DUSP22: variants seen among roughly 807,000 people sequenced by gnomAD.
DUSP22 encodes the protein dual specificity phosphatase 22, also known as dual specificity protein phosphatase 22.
Under a neutral mutation model 24.5 loss-of-function variants are expected in DUSP22, and 24 were observed. The ratio of observed to expected loss-of-function variants is 0.98; its 90% CI spans 0.71 to 1.38. The LOEUF is 1.38. DUSP22 is among the 40% of genes most tolerant of loss of function. DUSP22 has a pLI of 0.00. For synonymous variants in DUSP22, 160 were observed against 106.4 expected, an observed-to-expected ratio of 1.50 and a Z score of -3.10; for missense variants, 330 against 269.2, an observed-to-expected ratio of 1.23 and a Z score of -1.58.
intron 5 of DUSP22, among the ~76,000 whole-genome samples, chr6:347,253 T>A (rs1759928585): frequency 1.3e-5 from 2 of 152,310 alleles, no homozygotes; most frequent in Non-Finnish European, 2.9e-5. Flanking sequence ...GAAGAGCCAC[T>A]ACTTGAGAGT....
At position 329,524 on chromosome 6, in the gene DUSP22, C is replaced by G. The variant is rs1424726140; in HGVS notation, c.139-5590C>G. On this transcript the variant is annotated intron_variant, in intron 3 of 6. Transcript: ENST00000419235. ...CTGGAGTGCAGTGGTGTGATCTCGG[C>G]TCACTGCAACCTCCACCTCCTGGGT... is the stretch of plus-strand genomic sequence containing the variant. Among the ~76,000 whole-genome samples, 4 of 152,256 alleles carry G rather than the reference C, an allele frequency of 2.6e-5. No individual in the cohort carries two copies. The East Asian group carries it at 7.7e-4, about 29-fold the overall frequency.
chr6:314,219 G>A (rs1758241475), intron 3 of DUSP22, among the ~76,000 whole-genome samples: 1 of 152,302 alleles, frequency 6.6e-6, no homozygotes, highest in Non-Finnish European at 1.5e-5. Context: ...GATAAATGGT[G>A]GGAGAGGAGA....
At chr6:335,808 C>T (rs1759336228) in intron 4 of DUSP22, among the ~76,000 whole-genome samples, 1 of 152,308 alleles carries the variant, frequency 6.6e-6, no homozygotes, top group African/African-American at 2.4e-5. Context: ...TGGCGGCTGC[C>T]TTATGGGGCA....
At chr6:327,301 C>T (rs1037834616) in intron 3 of DUSP22, among the ~76,000 whole-genome samples, 1 of 152,308 alleles carries the variant, frequency 6.6e-6, no homozygotes, top group African/African-American at 2.4e-5. Context: ...GCACTCACCA[C>T]GTCCAGCAGA....
chr6:325,368 G>C (rs1758812784), intron 3 of DUSP22: 1 of 187,034 alleles, frequency 5.3e-6, no homozygotes, highest in Non-Finnish European at 9.9e-6. Flanking sequence ...TGCTGTATCT[G>C]CTGGTGCCTG....
At chr6:319,197 T>A (rs1028667435) in intron 3 of DUSP22, among the ~76,000 whole-genome samples, 1 of 152,308 alleles carries the variant, frequency 6.6e-6, no homozygotes, top group African/African-American at 2.4e-5. Context: ...AAGTATCTAT[T>A]CGAGTGAAGA....
intron 5 of DUSP22, among the ~76,000 whole-genome samples, chr6:346,443 C>CACACACACACAT (rs1180722128): frequency 2.6e-4 from 39 of 152,374 alleles, no homozygotes; most frequent in African/African-American, 8.9e-4. Flanking sequence ...CACACACACA[C>CACACACACACAT]ACACACACAC....
chr6:307,563 C>T (rs1757866053), intron 2 of DUSP22, among the ~76,000 whole-genome samples: 1 of 152,306 alleles, frequency 6.6e-6, no homozygotes, highest in African/African-American at 2.4e-5. Context: ...ATGCAGCAGG[C>T]AGCCTTGCCC....
intron 3 of DUSP22, among the ~76,000 whole-genome samples, chr6:314,221 G>T (rs1208073673): frequency 3.3e-5 from 5 of 152,302 alleles, no homozygotes; most frequent in African/African-American, 1.2e-4. Flanking sequence ...TAAATGGTGG[G>T]AGAGGAGAGA....
chr6:311,750 G>T, intron 2 of DUSP22, 130 bp from the exon 3 acceptor site: 1 of 961,646 alleles, frequency 1.0e-6, no homozygotes, highest in Non-Finnish European at 1.5e-6. Flanking sequence ...CTACATGTAT[G>T]GTCAGTTATG....
intron 1 of DUSP22, among the ~76,000 whole-genome samples, 161 bp from the exon 2 acceptor site, chr6:304,467 G>T (rs954877731): frequency 2.6e-5 from 4 of 152,310 alleles, no homozygotes; most frequent in Non-Finnish European, 5.9e-5. Flanking sequence ...CCTTCCACAG[G>T]CCGCTGGGGA....
chr6:338,540 A>G (rs1272269020), intron 4 of DUSP22, among the ~76,000 whole-genome samples: 3 of 152,304 alleles, frequency 2.0e-5, no homozygotes, highest in African/African-American at 7.2e-5. Context: ...TCAGACGACA[A>G]ATATTCGTAT....
intron 3 of DUSP22, among the ~76,000 whole-genome samples, chr6:333,159 G>A (rs1451206530): frequency 6.6e-6 from 1 of 152,300 alleles, no homozygotes; most frequent in African/African-American, 2.4e-5. Flanking sequence ...GCAGAGCACA[G>A]CCCACAAGCC....
At chr6:341,117 A>G (rs1246552828) in intron 4 of DUSP22, among the ~76,000 whole-genome samples, 1 of 152,302 alleles carries the variant, frequency 6.6e-6, no homozygotes, top group Non-Finnish European at 1.5e-5. Context: ...CCCTGCTGCA[A>G]GGACCGCGGG....
At chr6:342,548 G>A (rs1362122144) in intron 4 of DUSP22, among the ~76,000 whole-genome samples, 2 of 152,308 alleles carry the variant, frequency 1.3e-5, no homozygotes, top group Non-Finnish European at 2.9e-5. Context: ...GCCACTTCTG[G>A]GCCAGATGAG....
At chr6:312,772 A>G (rs907042353) in intron 3 of DUSP22, among the ~76,000 whole-genome samples, 3 of 152,300 alleles carry the variant, frequency 2.0e-5, no homozygotes, top group Admixed American at 1.3e-4. Flanking sequence ...TTTATTTCAA[A>G]TGTATCTATT....
chr6:330,138 C>A (rs557829751), intron 3 of DUSP22, among the ~76,000 whole-genome samples: 1 of 152,424 alleles, frequency 6.6e-6, no homozygotes, highest in South Asian at 2.1e-4. Flanking sequence ...GAGGACCCCC[C>A]TGGGCTCACC....
At chr6:306,479 G>A (rs1027824516) in intron 2 of DUSP22, among the ~76,000 whole-genome samples, 1 of 152,292 alleles carries the variant, frequency 6.6e-6, no homozygotes, top group Non-Finnish European at 1.5e-5. Context: ...TTGTGGTTTC[G>A]TCTATGAGAG....
intron 1 of DUSP22, among the ~76,000 whole-genome samples, chr6:297,936 G>A (rs553933777): frequency 6.6e-6 from 1 of 152,418 alleles, no homozygotes; most frequent in East Asian, 1.9e-4. Context: ...TCAAGACACT[G>A]TGTTAGATCC....
Sources: gnomAD v4.1 joint callset for allele counts (sites outside exome capture counted in the v4.1 genomes callset) on GRCh38, gnomAD v4.1.1 for gene constraint, MANE v1.5 for transcripts, NCBI Gene and HGNC (gene_info 2026-07-23, HGNC 2026-07-21) for gene names.